SPATA1: variants seen among roughly 807,000 people sequenced by gnomAD.
SPATA1 encodes the protein spermatogenesis-associated protein 1.
SPATA1 carries 57 observed loss-of-function variants against 59.6 expected under a neutral mutation model. That is an observed-to-expected ratio of 0.96 (90% confidence interval 0.77 to 1.19). The LOEUF (loss-of-function observed/expected upper bound fraction) is 1.19, where lower values mean the gene tolerates loss of function less well. Among genes scored for constraint, SPATA1 ranks in the 50% most tolerant of loss-of-function variants. The pLI is 0.00. For synonymous variants in SPATA1, 147 were observed against 163.9 expected (o/e 0.90, Z 0.79); for missense variants, 448 against 480.7 (o/e 0.93, Z 0.64).
At chr1:84,520,880 A>G (rs919555982) in intron 3 of SPATA1, among the ~76,000 whole-genome samples, 189 bp downstream of exon 3, 1 of 152,242 alleles carries the variant, frequency 6.6e-6, no homozygotes, top group Non-Finnish European at 1.5e-5. Context: ...TTCTGTAGGA[A>G]TAGCTCACTT....
At chr1:84,567,121 G>A (rs971732477), downstream of SPATA1, among the ~76,000 whole-genome samples, 11 of 152,042 alleles carry the variant, frequency 7.2e-5, no homozygotes, top group Non-Finnish European at 1.2e-4. Context: ...AGATACTTTA[G>A]GTAACATTTT....
At chr1:84,522,128 GT>G (rs575950679) in intron 3 of SPATA1, among the ~76,000 whole-genome samples, 68 of 152,228 alleles carry the variant, frequency 4.5e-4, no homozygotes, top group African/African-American at 1.4e-3. Context: ...CAAAGAGACA[GT>G]TGTTTTCCTT....
At chr1:84,524,569 T>A (rs913984400) in intron 4 of SPATA1, among the ~76,000 whole-genome samples, 2 of 152,108 alleles carry the variant, frequency 1.3e-5, no homozygotes, top group African/African-American at 2.4e-5. Flanking sequence ...CTATGACCAT[T>A]TTCTCCTTGG....
downstream of SPATA1, among the ~76,000 whole-genome samples, chr1:84,559,477 C>T (rs1684547144): frequency 6.6e-6 from 1 of 152,016 alleles, no homozygotes; most frequent in African/African-American, 2.4e-5. Context: ...AAAAAATTAG[C>T]CGGGCATGGT....
intron 1 of SPATA1, among the ~76,000 whole-genome samples, chr1:84,513,430 A>C (rs1167106587): frequency 6.6e-6 from 1 of 152,182 alleles, no homozygotes; most frequent in African/African-American, 2.4e-5. Context: ...CCACAGTGCC[A>C]GCCATGCATG....
chr1:84,537,002 T>C (rs12092371), intron 8 of SPATA1, among the ~76,000 whole-genome samples: 8,099 of 151,242 alleles, frequency 0.054, 761 homozygotes, highest in African/African-American at 0.19. Context: ...GCCTCAGCCT[T>C]CCGAGTAGCT....
At chr1:84,511,759 G>A (rs1682572723) in intron 1 of SPATA1, among the ~76,000 whole-genome samples, 1 of 137,642 alleles carries the variant, frequency 7.3e-6, no homozygotes, top group Non-Finnish European at 1.5e-5. Context: ...TCGGCTCACT[G>A]CAACCTCTGC....
chr1:84,549,022 A>AT, intron 11 of SPATA1, 58 bp downstream of exon 11: 1 of 1,443,360 alleles, frequency 6.9e-7, no homozygotes, highest in East Asian at 2.6e-5. Context: ...CACATGCTTT[A>AT]TAAGTGCTAG....
At chr1:84,545,736 A>T (rs1684064566) in exon 10 of SPATA1, 3 of 1,521,706 alleles carry the variant, frequency 2.0e-6, no homozygotes, top group Non-Finnish European at 2.6e-6. Context: ...CTATTTGAAC[A>T]AAGCAAATTA....
chr1:84,533,327 C>G (rs553501004), intron 7 of SPATA1, among the ~76,000 whole-genome samples: 1 of 152,162 alleles, frequency 6.6e-6, no homozygotes, highest in South Asian at 2.1e-4. Flanking sequence ...GATTTTCACA[C>G]TGGTATCATT....
intron 4 of SPATA1, among the ~76,000 whole-genome samples, chr1:84,565,391 G>C (rs1340832720): frequency 6.6e-6 from 1 of 152,066 alleles, no homozygotes; most frequent in Non-Finnish European, 1.5e-5. Flanking sequence ...AGAAGTTAAT[G>C]CCTATCCTAT....
chr1:84,555,210 A>G, downstream of SPATA1: 3 of 1,589,192 alleles, frequency 1.9e-6, no homozygotes, highest in Non-Finnish European at 2.6e-6. Context: ...CTATATAAAT[A>G]AATTAAAATG....
At chr1:84,513,556 C>G (rs1359358857) in intron 1 of SPATA1, among the ~76,000 whole-genome samples, 1 of 152,154 alleles carries the variant, frequency 6.6e-6, no homozygotes, top group Non-Finnish European at 1.5e-5. Flanking sequence ...AGGCACATAT[C>G]CCTTGTAAAT....
chr1:84,533,793 C>T (rs1455223797), intron 8 of SPATA1, 27 bp downstream of exon 8: 3 of 1,337,594 alleles, frequency 2.2e-6, no homozygotes, highest in Non-Finnish European at 3.1e-6. Context: ...TTTGTTTAAA[C>T]ATGGTATTGC....
chr1:84,514,903 A>G (rs2101920518), intron 1 of SPATA1, among the ~76,000 whole-genome samples: 1 of 152,260 alleles, frequency 6.6e-6, no homozygotes, highest in South Asian at 2.1e-4. Flanking sequence ...CCTGGGAGGC[A>G]GAGGCTGCAG....
At chr1:84,561,507 T>C (rs1684593413) in intron 4 of SPATA1, among the ~76,000 whole-genome samples, 1 of 152,234 alleles carries the variant, frequency 6.6e-6, no homozygotes, top group Admixed American at 6.5e-5. Context: ...TATAAACTTA[T>C]TAATAAAGCA....
chr1:84,516,541 A>C, intron 2 of SPATA1, 146 bp downstream of exon 2: 1 of 566,750 alleles, frequency 1.8e-6, no homozygotes. Flanking sequence ...CCATTGCCTG[A>C]TTACACTTCT....
intron 6 of SPATA1, among the ~76,000 whole-genome samples, chr1:84,527,903 G>T (rs1337096733): frequency 6.6e-6 from 1 of 152,054 alleles, no homozygotes; most frequent in Admixed American, 6.6e-5. Context: ...GCTAATTTTT[G>T]TATTTTTAGT....
At chr1:84,552,560 A>G (rs1028122270) in intron 12 of SPATA1, 3 of 150,996 alleles carry the variant, frequency 2.0e-5, no homozygotes, top group Admixed American at 1.3e-4. Context: ...AAAATTTTTG[A>G]AAAAAAAATA....
Sources: allele counts gnomAD v4.1 joint callset (sites outside exome capture counted in the v4.1 genomes callset), GRCh38; gene constraint gnomAD v4.1.1; transcripts MANE v1.5; gene names NCBI Gene and HGNC (gene_info 2026-07-23, HGNC 2026-07-21).